LRCH3: variants seen among roughly 807,000 people sequenced by gnomAD.
LRCH3 encodes the protein leucine rich repeats and calponin homology domain containing 3, also known as DISP complex protein LRCH3.
A neutral mutation model predicts 104.5 loss-of-function variants in LRCH3; 68 were observed. That is an observed-to-expected ratio of 0.65 (90% CI 0.54 to 0.80). The LOEUF is 0.80. Among genes scored for constraint, LRCH3 ranks in the 30% least tolerant of loss-of-function variants. The pLI is 0.00. For missense variants in LRCH3, 951 were observed against 953.9 expected (o/e 1.00, Z 0.04); for synonymous variants, 344 against 361.3 (o/e 0.95, Z 0.54).
chr3:197,862,481 G>GT (rs1455082298), intron 15 of LRCH3, among the ~76,000 whole-genome samples: 1 of 152,098 alleles, frequency 6.6e-6, no homozygotes, highest in Non-Finnish European at 1.5e-5. Flanking sequence ...GTTAATAAGT[G>GT]TTTTTTAAAT....
Position 197,835,799 on chromosome 3 carries a change from G to A in LRCH3, c.1228G>A (p.Glu410Lys), listed in dbSNP as rs997304329. The A allele has an allele frequency of 2.5e-6, 4 of 1,613,980 alleles. No homozygotes were observed. In the Admixed American group the frequency reaches 5.0e-5, roughly 20 times the overall value. ...TAGTTCACAGTTTATGGCGTATATT[G>A]AACAGCGGCGAATCTCTCATGAGGT... ...SLSSQFMAYIEQRRISHEGSP... is the reference protein window; with the variant it reads ...SLSSQFMAYIKQRRISHEGSP... Residue 410 changes from glutamate to lysine, a missense_variant, in exon 9 of 21, where the codon GAA becomes AAA. Coordinates refer to ENST00000425562, the MANE Select transcript of LRCH3 (RefSeq NM_001365715.1).
intron 6 of LRCH3, 81 bp downstream of exon 6, chr3:197,829,754 G>A: frequency 3.2e-6 from 3 of 946,388 alleles, no homozygotes; most frequent in Non-Finnish European, 3.2e-6. Flanking sequence ...TTGCCTGAAT[G>A]TTTGACTAAA....
rs181152568 is a variant in LRCH3 at position 197,801,795 on chromosome 3, G to A, written c.262+10255G>A. 2.4e-3 allele frequency among the ~76,000 whole-genome samples: 365 copies of A among 152,282 alleles called. 2 individuals are homozygous for A. Among genetic ancestry groups the A allele is most frequent in the African/African-American group, 8.1e-3 (336 of 41,568 alleles). On this transcript the variant is annotated intron_variant, in intron 1 of 20. Transcript: ENST00000425562. ...CCATTTACTATAGTTCTATAGGTTAGGAGTCTGGACTCAGCTGAACTCAAG... is the reference window on the plus strand; with the variant it reads ...CCATTTACTATAGTTCTATAGGTTAAGAGTCTGGACTCAGCTGAACTCAAG...
At position 197,829,570 on chromosome 3, in the gene LRCH3, A is replaced by G. The variant is rs200853735; in HGVS notation, c.784A>G (p.Ile262Val). The G allele has an allele frequency of 1.2e-6, 2 of 1,606,402 alleles. No individual in the cohort carries two copies. Among genetic ancestry groups the G allele is most frequent in the African/African-American group, 1.3e-5 (1 of 74,696 alleles). ...TCTGTGTGACTTTATTTAGATATGTATAAAAGGCAAAGTCCACATATTTAA... is the reference window on the plus strand; with the variant it reads ...TCTGTGTGACTTTATTTAGATATGTGTAAAAGGCAAAGTCCACATATTTAA... ...PLQSPPAQIC[I>V]KGKVHIFKYL... Residue 262 changes from isoleucine (I) to valine (V), a missense_variant, in exon 6 of 21, where the codon ATA (isoleucine) becomes GTA (valine). Physicochemically the swap from Ile to Val is conservative, Grantham distance 29. Coordinates refer to ENST00000425562, the MANE Select transcript of LRCH3 (RefSeq NM_001365715.1).
chr3:197,839,523 C>T (rs760404823), intron 10 of LRCH3, 126 bp downstream of exon 10: 12 of 544,714 alleles, frequency 2.2e-5, no homozygotes, highest in Non-Finnish European at 3.5e-5. Context: ...AACTGAGCGA[C>T]GGTGTGCTTT....
intron 20 of LRCH3, among the ~76,000 whole-genome samples, chr3:197,878,667 T>G (rs1438916505): frequency 2.0e-5 from 3 of 152,164 alleles, no homozygotes; most frequent in African/African-American, 7.2e-5. Context: ...CTACTTCTGC[T>G]GAAAAATTAG....
intron 1 of LRCH3, among the ~76,000 whole-genome samples, chr3:197,799,658 G>A (rs2109108156): frequency 6.6e-6 from 1 of 151,404 alleles, no homozygotes; most frequent in East Asian, 2.0e-4. Context: ...CCTGAGATCA[G>A]GAGTTTGAGA....
At position 197,826,875 on chromosome 3, in the gene LRCH3, C is replaced by G; in HGVS notation, c.641-3C>G. On this transcript the variant is annotated splice_region_variant and splice_polypyrimidine_tract_variant and intron_variant, in intron 4 of 20. Transcript: ENST00000425562. ...TGTTCATTTCCATTTTACCTTCTTG[C>G]AGAGCTGGCGGAGTTGCCTTTGATA... 6.2e-7 allele frequency: 1 copy of G among 1,613,984 alleles called. No homozygotes were observed. Among genetic ancestry groups the G allele is most frequent in the Non-Finnish European group, 8.5e-7 (1 of 1,179,966 alleles).
chr3:197,869,136 A>G (rs754716033), intron 17 of LRCH3, among the ~76,000 whole-genome samples: 2 of 152,266 alleles, frequency 1.3e-5, no homozygotes, highest in Non-Finnish European at 2.9e-5. Flanking sequence ...AAAGCAATAT[A>G]CTGTACTTGC....
chr3:197,886,820 A>C lies in LRCH3; in HGVS notation c.*3154A>C, dbSNP rs1002833038. On this transcript the variant is annotated 3_prime_UTR_variant, in exon 21 of 21. Transcript: ENST00000425562. ...ACTCTGTCTCAAAAAAAAAAAAAAA[A>C]AAAAACCCACCAAACCAAAAATATA... is the stretch of plus-strand genomic sequence containing the variant. 3.9e-5 allele frequency: 6 copies of C among 152,000 alleles called. No individual in the cohort carries two copies. Among genetic ancestry groups the C allele is most frequent in the African/African-American group, 1.5e-4 (6 of 41,334 alleles). 9.4% of individuals were successfully genotyped at this position (152,000 alleles called of 1,614,324 possible). A position where few individuals can be genotyped will look rare whatever the true frequency, so the allele number is the denominator to read the frequency against.
At chr3:197,829,500 A>G (rs1735646879) in intron 5 of LRCH3, 64 bp from the exon 6 acceptor site, 1 of 977,256 alleles carries the variant, frequency 1.0e-6, no homozygotes, top group Non-Finnish European at 1.5e-6. Flanking sequence ...AAATGTTGAT[A>G]TGATAAAAAG....
chr3:197,844,879 C>T (rs183455115), intron 10 of LRCH3, among the ~76,000 whole-genome samples: 2,497 of 152,210 alleles, frequency 0.016, 39 homozygotes, highest in South Asian at 0.029. Context: ...CTCGGCCTCC[C>T]AAAGAAGTGC....
rs34447297 is a variant in LRCH3, at chr3:197,844,763, G to A, written c.1329-2646G>A. On this transcript the variant is annotated intron_variant, in intron 10 of 20. Coordinates refer to ENST00000425562, the MANE Select transcript of LRCH3 (RefSeq NM_001365715.1). ...CTTCTGAGTAGCTGGGACTACAGGC[G>A]CGCACCACCACACCTGGCCAGTTTT... Among the ~76,000 whole-genome samples the A allele has an allele frequency of 8.9e-3, 1,354 of 152,070 alleles. 8 individuals carry two copies. Among genetic ancestry groups the A allele is most frequent in the Middle Eastern group, 0.024 (7 of 294 alleles).
chr3:197,873,067 T>C (rs1712421023), intron 19 of LRCH3, among the ~76,000 whole-genome samples: 1 of 152,138 alleles, frequency 6.6e-6, no homozygotes, highest in Non-Finnish European at 1.5e-5. Flanking sequence ...GCAGGTTCTC[T>C]TTGCACTGCT....
At chr3:197,809,704 T>C (rs1387388746) in intron 1 of LRCH3, among the ~76,000 whole-genome samples, 5 of 152,100 alleles carry the variant, frequency 3.3e-5, no homozygotes, top group Admixed American at 3.3e-4. Context: ...AACCCATCCA[T>C]TGAGCTTTTT....
chr3:197,796,552 A>G (rs1260460195), intron 1 of LRCH3, among the ~76,000 whole-genome samples: 4 of 152,242 alleles, frequency 2.6e-5, no homozygotes, highest in Non-Finnish European at 5.9e-5. Flanking sequence ...TGGTAATGCT[A>G]TTGCTTATAA....
At position 197,879,554 on chromosome 3, in the gene LRCH3, G is replaced by A. The variant is rs569565727; in HGVS notation, c.2208+3779G>A. On this transcript the variant is annotated intron_variant, in intron 20 of 20. Coordinates refer to ENST00000425562, the MANE Select transcript of LRCH3 (RefSeq NM_001365715.1). ...CCAGCTGCTCGGGAGGCTGAGGCGG[G>A]AGAATGGCGGGAACCCGGGAGGCGG... 4.6e-5 allele frequency among the ~76,000 whole-genome samples: 7 copies of A among 152,110 alleles called. No individual in the cohort carries two copies. In the South Asian group the frequency reaches 1.0e-3, roughly 23 times the overall value.
intron 9 of LRCH3, among the ~76,000 whole-genome samples, chr3:197,838,132 T>G (rs111240335): frequency 1.3e-5 from 2 of 151,858 alleles, no homozygotes; most frequent in African/African-American, 4.8e-5. Context: ...TTGTTTAAAG[T>G]GGTGTAGCTT....
chr3:197,819,753 A>T (rs1580637501), intron 3 of LRCH3, among the ~76,000 whole-genome samples: 3 of 152,310 alleles, frequency 2.0e-5, no homozygotes, highest in African/African-American at 4.8e-5. Flanking sequence ...TTCTGATTCT[A>T]CTTCAATTAT....
Sources: gnomAD v4.1 joint callset for allele counts (sites outside exome capture counted in the v4.1 genomes callset) on GRCh38, gnomAD v4.1.1 for gene constraint, MANE v1.5 for transcripts, NCBI Gene and HGNC (gene_info 2026-07-23, HGNC 2026-07-21) for gene names.